Variants in CREBBP observed in about 807,000 individuals in gnomAD.
The protein encoded by CREBBP is CREB-binding protein.
CREBBP carries 19 observed loss-of-function variants against 265.0 expected under a neutral mutation model. The ratio of observed to expected loss-of-function variants is 0.07; its 90% CI spans 0.05 to 0.11. The LOEUF is 0.11. Among genes scored for constraint, CREBBP ranks in the 10% least tolerant of loss-of-function variants. The pLI, the probability that CREBBP is intolerant of heterozygous loss-of-function variation, is 1.00. For synonymous variants in CREBBP, 1,457 were observed against 1,223.7 expected (o/e 1.19, Z -3.98); for missense variants, 2,525 against 3,219.0 (o/e 0.78, Z 5.22).
At chr16:3,800,188 G>C (rs371228909) in intron 3 of CREBBP, among the ~76,000 whole-genome samples, 4 of 152,160 alleles carry the variant, frequency 2.6e-5, no homozygotes, top group Non-Finnish European at 4.4e-5. Flanking sequence ...GTGCAATCAT[G>C]GCTCACACAG....
intron 1 of CREBBP, among the ~76,000 whole-genome samples, chr16:3,876,411 A>AAC: frequency 6.7e-6 from 1 of 149,072 alleles, no homozygotes; most frequent in African/African-American, 2.5e-5. Context: ...AAAAAAAAAA[A>AAC]AAAAAAAAAA....
At chr16:3,745,172 G>A (rs182051100) in intron 22 of CREBBP, 105 bp downstream of exon 22, 9 of 1,114,536 alleles carry the variant, frequency 8.1e-6, no homozygotes, top group East Asian at 2.6e-5. Context: ...TCTCTTAATC[G>A]CTGAATTCTT....
At chr16:3,870,583 G>T (rs1175396059) in intron 1 of CREBBP, among the ~76,000 whole-genome samples, 1 of 152,092 alleles carries the variant, frequency 6.6e-6, no homozygotes. Flanking sequence ...TACCCATTTT[G>T]TAAGATTCTC....
chr16:3,789,402 C>A (rs913801093), intron 5 of CREBBP, among the ~76,000 whole-genome samples: 1 of 152,232 alleles, frequency 6.6e-6, no homozygotes, highest in Non-Finnish European at 1.5e-5. Context: ...GCACTGGGCT[C>A]CACCAAGTCC....
intron 2 of CREBBP, among the ~76,000 whole-genome samples, chr16:3,849,447 GTGTGTGTGTGT>G (rs2054769030): frequency 2.8e-4 from 9 of 31,820 alleles, no homozygotes; most frequent in South Asian, 2.7e-3. Context: ...GTGTGTGTGT[GTGTGTGTGTGT>G]GTGTGTGTGT....
At chr16:3,770,387 G>A (rs1449227354) in intron 14 of CREBBP, among the ~76,000 whole-genome samples, 183 bp downstream of exon 14, 2 of 151,778 alleles carry the variant, frequency 1.3e-5, no homozygotes, top group African/African-American at 4.8e-5. Context: ...CTGGAGACGA[G>A]GTCTCACTAT....
chr16:3,842,839 G>A (rs1045552794), intron 2 of CREBBP, among the ~76,000 whole-genome samples: 1 of 151,734 alleles, frequency 6.6e-6, no homozygotes. Context: ...GGTGGCGGGC[G>A]CCTGTAATCC....
rs554293913 is a variant in CREBBP at position 3,783,086 on chromosome 16, C to T, written c.1331-160G>A. 2.0e-5 allele frequency among the ~76,000 whole-genome samples: 3 copies of T among 152,276 alleles called. No individual in the cohort carries two copies. In the South Asian group the frequency reaches 6.2e-4, roughly 32 times the overall value. ...CAAGCCTAGGGAGAAAGGAACTGTGCTGAAGGACTCATTTATTCTGCCTAG... is the reference window on the plus strand; with the variant it reads ...CAAGCCTAGGGAGAAAGGAACTGTGTTGAAGGACTCATTTATTCTGCCTAG... On this transcript the variant is annotated intron_variant, in intron 5 of 30. Coordinates refer to ENST00000262367, the MANE Select transcript of CREBBP (RefSeq NM_004380.3).
intron 5 of CREBBP, among the ~76,000 whole-genome samples, chr16:3,783,642 C>T (rs1440416351): frequency 6.6e-6 from 1 of 152,150 alleles, no homozygotes; most frequent in Admixed American, 6.5e-5. Flanking sequence ...AGTGAGGCTT[C>T]GCAATTCTGC....
At position 3,738,625 on chromosome 16, in the gene CREBBP, C is replaced by T. The variant is rs2151334323; in HGVS notation, c.4328G>A (p.Arg1443His). The T allele has an allele frequency of 1.2e-6, 2 of 1,613,858 alleles. No individual in the cohort carries two copies. The highest frequency in any genetic ancestry group is 8.5e-7 in the Non-Finnish European group (1 of 1,179,808). ...ATGGTAAACGGCTGTGCGGAGGCAA[C>T]GTGGCCGGAAGAAATGAATACTATC... Reference protein sequence around the residue: ...YLDSIHFFRPRCLRTAVYHEI... With the variant: ...YLDSIHFFRPHCLRTAVYHEI... The change falls in exon 26 of 31, where the codon CGT (arginine) becomes CAT (histidine). Residue 1443 changes from arginine (R) to histidine (H), a missense_variant. Around this residue, in one of 19 missense-constraint regions of CREBBP, gnomAD observed 252 missense variants for 452.5 expected, o/e 0.56. Coordinates refer to ENST00000262367, the MANE Select transcript of CREBBP (RefSeq NM_004380.3).
In CREBBP at chr16:3,728,583, G is replaced by A. The variant is rs1470176774; in HGVS notation, c.6464C>T (p.Pro2155Leu). Residue 2155 changes from proline (P) to leucine (L), a missense_variant, in exon 31 of 31, where the codon CCT becomes CTT. Physicochemically the swap from Pro to Leu is moderately conservative, Grantham distance 98 (BLOSUM62 -3). This residue lies in a region of CREBBP where 473 missense variants were observed against 459.3 expected (regional missense o/e 1.03). Transcript: ENST00000262367. The surrounding 1 kb of genome is among the most constrained non-coding windows in gnomAD (Gnocchi z 8.7). ...MQAGVPRPGV[P>L]PQQQAMGGLN... ...GCCTCCCATCGCCTGCTGCTGTGGA[G>A]GCACACCGGGCCGCGGCACGCCAGC... is the stretch of plus-strand genomic sequence containing the variant. 3 of 1,613,942 alleles carry A rather than the reference G, an allele frequency of 1.9e-6. No homozygotes were observed. Among genetic ancestry groups the A allele is most frequent in the Non-Finnish European group, 2.5e-6 (3 of 1,179,988 alleles).
At chr16:3,845,822 G>C (rs956681696) in intron 2 of CREBBP, among the ~76,000 whole-genome samples, 3 of 150,436 alleles carry the variant, frequency 2.0e-5, no homozygotes, top group Admixed American at 2.0e-4. Flanking sequence ...AGGAGGCAGA[G>C]GTTGCAGTGA....
intron 5 of CREBBP, among the ~76,000 whole-genome samples, chr16:3,783,434 A>G (rs542123933): frequency 1.3e-5 from 2 of 152,344 alleles, no homozygotes; most frequent in East Asian, 3.9e-4. Flanking sequence ...TTTGATTAAT[A>G]AATCTATAAT....
At chr16:3,768,544 A>C (rs560552865) in intron 15 of CREBBP, among the ~76,000 whole-genome samples, 1 of 152,178 alleles carries the variant, frequency 6.6e-6, no homozygotes, top group Non-Finnish European at 1.5e-5. Context: ...AATCTCCTTG[A>C]AAGTTGGGGC....
At position 3,731,674 on chromosome 16, in the gene CREBBP, C is replaced by G. The variant is rs1730321718; in HGVS notation, c.4890+102G>C. 6.5e-7 allele frequency: 1 copy of G among 1,542,448 alleles called. No individual in the cohort carries two copies. The highest frequency in any genetic ancestry group is 8.9e-7 in the Non-Finnish European group (1 of 1,118,548). ...CCACTTGGTTTCCTGGGGGCCACTT[C>G]CCTCCCACCACAGACCTGCACACGG... On this transcript the variant is annotated intron_variant, in intron 29 of 30. Transcript: ENST00000262367. This position sits in a 1 kb window ranked among gnomAD's most constrained non-coding sequence, Gnocchi z 7.7.
chr16:3,810,764 T>A lies in CREBBP; in HGVS notation c.814A>T (p.Asn272Tyr). Residue 272 changes from asparagine (N) to tyrosine (Y), a missense_variant, in exon 3 of 31, where the codon AAC becomes TAC. Transcript: ENST00000262367. ...AAGGGCTGTCCAAATGGACTTGTGT[T>A]CCCAGTTATTCCCATCTGAAACAAA... ...GGMAKMGITGNTSPFGQPFSQ... is the reference protein window; with the variant it reads ...GGMAKMGITGYTSPFGQPFSQ... The A allele has an allele frequency of 1.2e-6, 2 of 1,613,818 alleles. No homozygotes were observed. Among genetic ancestry groups the A allele is most frequent in the Non-Finnish European group, 1.7e-6 (2 of 1,180,018 alleles).
At chr16:3,776,934 C>G (rs1034113533) in intron 11 of CREBBP, among the ~76,000 whole-genome samples, 1 of 151,264 alleles carries the variant, frequency 6.6e-6, no homozygotes, top group African/African-American at 2.4e-5. Flanking sequence ...AGGAGAATGG[C>G]ATGAACCCGG....
intron 2 of CREBBP, among the ~76,000 whole-genome samples, chr16:3,844,887 G>C (rs1309431874): frequency 6.6e-6 from 1 of 151,986 alleles, no homozygotes; most frequent in Non-Finnish European, 1.5e-5. Flanking sequence ...TAGTAAGAAA[G>C]ATTTATTACA....
chr16:3,737,138 G>A (rs1236647137), intron 26 of CREBBP: 3 of 462,274 alleles, frequency 6.5e-6, no homozygotes, highest in African/African-American at 3.9e-5. Flanking sequence ...CCTTCCTCCT[G>A]TGCACTGTAA....
Sources: gnomAD v4.1 joint callset for allele counts (sites outside exome capture counted in the v4.1 genomes callset) on GRCh38, gnomAD v4.1.1 for gene constraint, gnomAD v4.1.1 regional missense constraint, Gnocchi (gnomAD v3.1) non-coding constraint, MANE v1.5 for transcripts, NCBI Gene and HGNC (gene_info 2026-07-23, HGNC 2026-07-21) for gene names.